TOX: variants seen among roughly 807,000 people sequenced by gnomAD.
The protein encoded by TOX is thymocyte selection associated high mobility group box, also known as thymocyte selection-associated high mobility group box protein TOX.
In TOX, 11 loss-of-function variants were observed where a neutral mutation model predicts 53.7. The ratio of observed to expected loss-of-function variants is 0.20; its 90% confidence interval spans 0.13 to 0.34. The LOEUF (loss-of-function observed/expected upper bound fraction) is 0.34. TOX is among the 10% of genes least tolerant of loss of function. The probability of loss-of-function intolerance (pLI) is 1.00; values close to 1 mark genes in which losing one functional copy is unlikely to be tolerated. For synonymous variants in TOX, 225 were observed against 245.3 expected, an observed-to-expected ratio of 0.92 and a Z score of 0.77; for missense variants, 570 against 664.6, an observed-to-expected ratio of 0.86 and a Z score of 1.56.
At chr8:58,879,764 A>C (rs1454300760) in intron 3 of TOX, among the ~76,000 whole-genome samples, 1 of 152,166 alleles carries the variant, frequency 6.6e-6, no homozygotes, top group African/African-American at 2.4e-5. Context: ...TAGTTGACCA[A>C]ATTCCAAAAC....
rs147571802 is a variant in TOX, at chr8:58,882,761, G to T, written c.412-30956C>A. 2.0e-5 allele frequency among the ~76,000 whole-genome samples: 3 copies of T among 152,358 alleles called. No individual in the cohort carries two copies. In the East Asian group the frequency reaches 5.8e-4, roughly 29 times the overall value. ...CATCACTGAAAGTATCACAGCACAG[G>T]CTTGACAAATACATGAGGGAGATGT... On this transcript the variant is annotated intron_variant, in intron 3 of 8. Coordinates refer to ENST00000361421, the MANE Select transcript of TOX (RefSeq NM_014729.3).
intron 1 of TOX, among the ~76,000 whole-genome samples, chr8:59,057,985 CAGGTCA>C: frequency 6.6e-6 from 1 of 152,056 alleles, no homozygotes; most frequent in Non-Finnish European, 1.5e-5. Context: ...ATGTGGACTA[CAGGTCA>C]ATCCAGGCTC....
At chr8:58,889,333 T>C (rs551371409) in intron 3 of TOX, among the ~76,000 whole-genome samples, 1 of 144,174 alleles carries the variant, frequency 6.9e-6, no homozygotes, top group Non-Finnish European at 1.5e-5. Flanking sequence ...AAAAAAACAA[T>C]AAAGCAGCTC....
intron 1 of TOX, among the ~76,000 whole-genome samples, chr8:58,988,235 G>A (rs549169235): frequency 4.9e-4 from 74 of 152,208 alleles, no homozygotes; most frequent in African/African-American, 6.3e-4. Flanking sequence ...CACAGATTTC[G>A]GCAGATAAAA....
At chr8:59,075,652 T>G (rs1446935818) in intron 1 of TOX, among the ~76,000 whole-genome samples, 4 of 152,154 alleles carry the variant, frequency 2.6e-5, no homozygotes, top group Admixed American at 6.5e-5. Context: ...GTATTTTTCC[T>G]CCCCTACATC....
chr8:59,028,351 T>C (rs1485774003), intron 1 of TOX, among the ~76,000 whole-genome samples: 3 of 152,138 alleles, frequency 2.0e-5, no homozygotes, highest in African/African-American at 7.2e-5. Flanking sequence ...CGTTCCTCAT[T>C]TGGAGCCATA....
intron 6 of TOX, among the ~76,000 whole-genome samples, chr8:58,818,846 A>G (rs1188459142): frequency 1.3e-5 from 2 of 152,156 alleles, no homozygotes; most frequent in Non-Finnish European, 2.9e-5. Context: ...GGTTAGATAC[A>G]CTGCCCTTTA....
At chr8:58,857,055 C>T (rs947869744) in intron 3 of TOX, among the ~76,000 whole-genome samples, 36 of 152,128 alleles carry the variant, frequency 2.4e-4, no homozygotes, top group Admixed American at 1.3e-3. Context: ...ATTTTGTTCA[C>T]CATTATAGCC....
At chr8:58,990,911 CA>C (rs1413943703) in intron 1 of TOX, among the ~76,000 whole-genome samples, 2 of 152,174 alleles carry the variant, frequency 1.3e-5, no homozygotes, top group African/African-American at 4.8e-5. Flanking sequence ...TTTAGCTCCT[CA>C]AAAACAGTTC....
At chr8:58,857,091 C>T (rs879877572) in intron 3 of TOX, among the ~76,000 whole-genome samples, 6 of 152,086 alleles carry the variant, frequency 3.9e-5, no homozygotes, top group Non-Finnish European at 8.8e-5. Flanking sequence ...GATCTTGGCA[C>T]GTAGTAGGAA....
chr8:59,095,469 T>C (rs1397381479), intron 1 of TOX, among the ~76,000 whole-genome samples: 1 of 152,154 alleles, frequency 6.6e-6, no homozygotes, highest in Non-Finnish European at 1.5e-5. Context: ...TGCAATGGCA[T>C]GATCTCGGCT....
chr8:59,096,164 CT>C (rs1373720160), intron 1 of TOX, among the ~76,000 whole-genome samples: 3 of 152,172 alleles, frequency 2.0e-5, no homozygotes, highest in Non-Finnish European at 4.4e-5. Flanking sequence ...GATAATGTCT[CT>C]TTTACACTTT....
At chr8:59,033,666 A>T (rs530048558) in intron 1 of TOX, among the ~76,000 whole-genome samples, 2 of 152,360 alleles carry the variant, frequency 1.3e-5, no homozygotes, top group South Asian at 2.1e-4. Flanking sequence ...AGGACAGTCT[A>T]TCACCAAGAA....
intron 3 of TOX, among the ~76,000 whole-genome samples, chr8:58,923,600 T>A (rs1357728516): frequency 6.6e-6 from 1 of 152,222 alleles, no homozygotes; most frequent in Non-Finnish European, 1.5e-5. Context: ...TAGGTAGCTT[T>A]TCCTGATTCC....
intron 1 of TOX, among the ~76,000 whole-genome samples, chr8:59,054,444 G>C (rs1349409222): frequency 1.3e-5 from 2 of 152,096 alleles, no homozygotes; most frequent in East Asian, 1.9e-4. Context: ...CCTTAGAGTT[G>C]TGAGTTCGCT....
intron 1 of TOX, among the ~76,000 whole-genome samples, chr8:59,085,979 CT>C (rs35593177): frequency 0.21 from 18,105 of 87,510 alleles, 1,639 homozygotes; most frequent in African/African-American, 0.42. Context: ...CTTTTCTTTT[CT>C]TTTTTTTTTT....
At chr8:58,846,184 C>T (rs1372370786) in intron 4 of TOX, among the ~76,000 whole-genome samples, 4 of 151,982 alleles carry the variant, frequency 2.6e-5, no homozygotes, top group Non-Finnish European at 5.9e-5. Context: ...TCATTTTCTC[C>T]TGAACTAGTT....
intron 1 of TOX, among the ~76,000 whole-genome samples, chr8:59,096,419 T>C (rs1372993097): frequency 1.3e-5 from 2 of 152,168 alleles, no homozygotes; most frequent in Non-Finnish European, 2.9e-5. Context: ...ACCTCCAAAT[T>C]GGAAATGAAT....
chr8:58,820,967 A>G (rs990019158), intron 6 of TOX, among the ~76,000 whole-genome samples: 1 of 152,160 alleles, frequency 6.6e-6, no homozygotes, highest in Non-Finnish European at 1.5e-5. Context: ...GAAAAACTAT[A>G]TTTCCTTAAG....
Sources: gnomAD v4.1 joint callset for allele counts (sites outside exome capture counted in the v4.1 genomes callset) on GRCh38, gnomAD v4.1.1 for gene constraint, MANE v1.5 for transcripts, NCBI Gene and HGNC (gene_info 2026-07-23, HGNC 2026-07-21) for gene names.